Variants in CCNYL1 observed in about 807,000 individuals in gnomAD.
The protein encoded by CCNYL1 is cyclin-Y-like protein 1.
In CCNYL1, 16 loss-of-function variants were observed where a neutral mutation model predicts 44.2. The observed-to-expected ratio is 0.36, with a 90% CI of 0.25 to 0.55. The LOEUF (loss-of-function observed/expected upper bound fraction) is 0.55. Among genes scored for constraint, CCNYL1 ranks in the 20% least tolerant of loss-of-function variants. The pLI, the probability that CCNYL1 is intolerant of heterozygous loss-of-function variation, is 0.85. For missense variants in CCNYL1, 348 were observed against 451.8 expected, an observed-to-expected ratio of 0.77 and a Z score of 2.08; for synonymous variants, 159 against 163.2, an observed-to-expected ratio of 0.97 and a Z score of 0.20.
chr2:207,744,661 C>T (rs1332398617), intron 7 of CCNYL1, among the ~76,000 whole-genome samples: 2 of 151,962 alleles, frequency 1.3e-5, no homozygotes, highest in South Asian at 2.1e-4. Context: ...TGAGCCACTG[C>T]GCCTGGCCAG....
chr2:207,724,752 C>A (rs772492989), intron 1 of CCNYL1, 48 bp from the exon 2 acceptor site: 1 of 1,346,924 alleles, frequency 7.4e-7, no homozygotes, highest in Non-Finnish European at 1.1e-6. Flanking sequence ...CAGAAATCAT[C>A]TTTTCTACTC....
chr2:207,738,318 T>C (rs1487617272), intron 5 of CCNYL1, among the ~76,000 whole-genome samples: 2 of 152,104 alleles, frequency 1.3e-5, no homozygotes, highest in African/African-American at 4.8e-5. Flanking sequence ...CTTCCCAAGT[T>C]CAAGCGATTC....
chr2:207,754,708 C>T lies in CCNYL1; in HGVS notation c.*1010C>T, dbSNP rs1348864626. 6.5e-6 allele frequency: 1 copy of T among 153,908 alleles called. No homozygotes were observed. Among genetic ancestry groups the T allele is most frequent in the Non-Finnish European group, 1.5e-5 (1 of 68,206 alleles). 9.5% of individuals were successfully genotyped at this position (153,908 alleles called of 1,614,324 possible). On this transcript the variant is annotated 3_prime_UTR_variant, in exon 10 of 10. Coordinates refer to ENST00000295414, the MANE Select transcript of CCNYL1 (RefSeq NM_001330218.2). ...TTTTCACAGGTGCAATCATTGTGCACTCACTGCAGCCTAGAACTTCCTGGT... is the reference window on the plus strand; with the variant it reads ...TTTTCACAGGTGCAATCATTGTGCATTCACTGCAGCCTAGAACTTCCTGGT...
intron 3 of CCNYL1, among the ~76,000 whole-genome samples, chr2:207,729,630 C>CT (rs1410517225): frequency 1.3e-5 from 2 of 152,036 alleles, no homozygotes; most frequent in Non-Finnish European, 2.9e-5. Context: ...CTTGTCTTGT[C>CT]TTTTCTCTCT....
At chr2:207,731,101 G>A (rs913105265) in intron 3 of CCNYL1, among the ~76,000 whole-genome samples, 1 of 152,012 alleles carries the variant, frequency 6.6e-6, no homozygotes, top group East Asian at 1.9e-4. Flanking sequence ...CCATTACTGT[G>A]CAACATAGAT....
chr2:207,737,341 TA>T, intron 4 of CCNYL1, 69 bp from the exon 5 acceptor site: 4 of 1,237,196 alleles, frequency 3.2e-6, no homozygotes, highest in Non-Finnish European at 4.7e-6. Context: ...TTCCCTCATT[TA>T]AAAAATGTCT....
intron 7 of CCNYL1, among the ~76,000 whole-genome samples, chr2:207,744,548 T>A (rs899803803): frequency 2.0e-5 from 3 of 151,302 alleles, no homozygotes; most frequent in Non-Finnish European, 3.0e-5. Flanking sequence ...TTTTTTTTTT[T>A]AAGTAGAGAC....
intron 9 of CCNYL1, among the ~76,000 whole-genome samples, chr2:207,753,027 C>CAA (rs537104378): frequency 9.6e-4 from 120 of 125,614 alleles, no homozygotes; most frequent in South Asian, 2.7e-3. Flanking sequence ...AACTCTGCCT[C>CAA]AAAAAAAAAA....
In CCNYL1 at chr2:207,716,208, C is replaced by T. The variant is rs563061874; in HGVS notation, c.220+4092C>T. 2.3e-4 allele frequency among the ~76,000 whole-genome samples: 35 copies of T among 152,208 alleles called. No homozygotes were observed. In the South Asian group the frequency reaches 7.3e-3, roughly 32 times the overall value. On this transcript the variant is annotated intron_variant, in intron 1 of 9. Coordinates refer to ENST00000295414, the MANE Select transcript of CCNYL1 (RefSeq NM_001330218.2). ...GCTTTGCTAATTTGCTGGCTAAAGG[C>T]GCTCTCTGAAGTGACTCTTTCTATT...
At chr2:207,724,137 C>T (rs1359861804) in intron 1 of CCNYL1, among the ~76,000 whole-genome samples, 1 of 152,038 alleles carries the variant, frequency 6.6e-6, no homozygotes, top group African/African-American at 2.4e-5. Flanking sequence ...TGATGAAACA[C>T]CAAATTAACC....
chr2:207,731,997 A>G (rs1047248182), intron 3 of CCNYL1, among the ~76,000 whole-genome samples: 4 of 151,892 alleles, frequency 2.6e-5, no homozygotes, highest in Non-Finnish European at 5.9e-5. Context: ...TTTAGTAGAG[A>G]TAGGGTTTCT....
intron 1 of CCNYL1, among the ~76,000 whole-genome samples, chr2:207,723,467 T>G (rs2091656239): frequency 6.6e-6 from 1 of 152,184 alleles, no homozygotes; most frequent in East Asian, 1.9e-4. Context: ...CTAAATCGCT[T>G]TTTTAAAAGT....
intron 1 of CCNYL1, chr2:207,714,744 G>C (rs1423428354): frequency 3.3e-5 from 5 of 153,656 alleles, no homozygotes; most frequent in African/African-American, 1.2e-4. Flanking sequence ...TTGTATGTTA[G>C]TATGACAGTT....
intron 1 of CCNYL1, among the ~76,000 whole-genome samples, chr2:207,719,606 C>G (rs996911129): frequency 2.3e-4 from 35 of 152,094 alleles, no homozygotes; most frequent in Non-Finnish European, 1.9e-4. Context: ...CGGCTTATAG[C>G]AATTGCTCTT....
intron 1 of CCNYL1, among the ~76,000 whole-genome samples, chr2:207,712,556 C>CT (rs1241949642): frequency 2.0e-5 from 3 of 152,150 alleles, no homozygotes; most frequent in South Asian, 2.1e-4. Flanking sequence ...AGGTAAGGGT[C>CT]TGATTGTTCC....
rs769810903 is a variant in CCNYL1, at chr2:207,740,657, A to T, written c.470A>T (p.Asp157Val). The change falls in exon 6 of 10, where the codon GAT becomes GTT. Residue 157 changes from aspartate (D) to valine (V), a missense_variant and splice_region_variant. By Grantham distance (152) the Asp-to-Val change is radical (BLOSUM62 -3). Transcript: ENST00000295414. ...LAIYYHIKNR[D>V]ANRSLDIFDE... ...CAATGCATATTCTTATTTTATAGAG[A>T]TGCAAATAGATCCCTGGATATTTTT... The T allele has an allele frequency of 1.9e-6, 3 of 1,586,530 alleles. No individual in the cohort carries two copies. The highest frequency in any genetic ancestry group is 2.6e-6 in the Non-Finnish European group (3 of 1,156,092).
intron 8 of CCNYL1, among the ~76,000 whole-genome samples, chr2:207,747,838 A>G (rs983790311): frequency 3.9e-5 from 6 of 152,242 alleles, no homozygotes; most frequent in Non-Finnish European, 8.8e-5. Context: ...GATTACAGGC[A>G]TGAACCACTA....
intron 1 of CCNYL1, among the ~76,000 whole-genome samples, chr2:207,713,174 C>T (rs1364663367): frequency 6.6e-6 from 1 of 152,196 alleles, no homozygotes; most frequent in East Asian, 1.9e-4. Context: ...CCCACGGTGG[C>T]AAATACATCT....
chr2:207,733,506 G>C (rs1205563981), intron 3 of CCNYL1, among the ~76,000 whole-genome samples: 1 of 152,162 alleles, frequency 6.6e-6, no homozygotes, highest in Non-Finnish European at 1.5e-5. Context: ...TTTAATATTA[G>C]TAACTTAGTA....
Sources: gnomAD v4.1 joint callset for allele counts (sites outside exome capture counted in the v4.1 genomes callset) on GRCh38, gnomAD v4.1.1 for gene constraint, MANE v1.5 for transcripts, NCBI Gene and HGNC (gene_info 2026-07-23, HGNC 2026-07-21) for gene names.